Variants in ST14 observed in about 807,000 individuals in gnomAD.
ST14 encodes ST14 transmembrane serine protease matriptase, also known as suppressor of tumorigenicity 14 protein.
A neutral mutation model predicts 96.5 loss-of-function variants in ST14; 40 were observed. That is an observed-to-expected ratio of 0.41 (90% CI 0.32 to 0.54). The LOEUF is 0.54. Among genes scored for constraint, ST14 ranks in the 20% least tolerant of loss-of-function variants. The pLI, the probability that ST14 is intolerant of heterozygous loss-of-function variation, is 0.17. For missense variants in ST14, 1,066 were observed against 1,188.9 expected (o/e 0.90, Z 1.52); for synonymous variants, 506 against 492.1 (o/e 1.03, Z -0.37).
At chr11:130,206,715 C>T (rs138911365) in intron 16 of ST14, among the ~76,000 whole-genome samples, 8 of 151,922 alleles carry the variant, frequency 5.3e-5, no homozygotes, top group East Asian at 1.9e-4. Context: ...TTACAGGCAC[C>T]GGCCACCACA....
chr11:130,176,394 C>A lies in ST14; in HGVS notation c.82-11720C>A, dbSNP rs1283132698. Reference sequence around the variant, plus strand: ...CCTTTTTTTTTTTTCTTTTTCTTTTCTTTTTCTTTTTTCAGACAGAGTCTC... The same window carrying A: ...CCTTTTTTTTTTTTCTTTTTCTTTTATTTTTCTTTTTTCAGACAGAGTCTC... On this transcript the variant is annotated intron_variant, in intron 1 of 18. Transcript: ENST00000278742. Among the ~76,000 whole-genome samples, 4 of 145,392 alleles carry A rather than the reference C, an allele frequency of 2.8e-5. No homozygotes were observed. The South Asian group carries it at 8.8e-4, about 32-fold the overall frequency.
intron 1 of ST14, among the ~76,000 whole-genome samples, chr11:130,169,011 A>G (rs1313732363): frequency 6.9e-6 from 1 of 145,338 alleles, no homozygotes; most frequent in Non-Finnish European, 1.5e-5. Context: ...AACTTGAAAG[A>G]CCTCCAGGGA....
intron 1 of ST14, among the ~76,000 whole-genome samples, chr11:130,178,507 G>A (rs575017132): frequency 1.4e-5 from 2 of 138,612 alleles, no homozygotes; most frequent in South Asian, 4.2e-4. Context: ...GAGTTGGGAC[G>A]GGACTTGAAA....
intron 12 of ST14, 51 bp from the exon 13 acceptor site, chr11:130,198,257 A>G: frequency 6.5e-7 from 1 of 1,526,796 alleles, no homozygotes; most frequent in African/African-American, 1.4e-5. Context: ...ATCCTGGGGA[A>G]GCAGTGAGTG....
chr11:130,183,940 T>C, intron 1 of ST14, among the ~76,000 whole-genome samples: 1 of 152,178 alleles, frequency 6.6e-6, no homozygotes, highest in East Asian at 1.9e-4. Context: ...ATGGGATAAA[T>C]GCAGCAACAA....
chr11:130,205,545 C>A (rs1359186072), intron 16 of ST14, among the ~76,000 whole-genome samples: 1 of 152,178 alleles, frequency 6.6e-6, no homozygotes, highest in Non-Finnish European at 1.5e-5. Flanking sequence ...CTGGGGGCAG[C>A]CATTGTGAGG....
intron 16 of ST14, among the ~76,000 whole-genome samples, chr11:130,206,569 T>TTTC (rs71941809): frequency 0.051 from 7,594 of 147,684 alleles, 273 homozygotes; most frequent in Non-Finnish European, 0.079. Context: ...TTTCTTTTCT[T>TTTC]TTTTTTTTTC....
chr11:130,174,745 T>C (rs1953120816), intron 1 of ST14, among the ~76,000 whole-genome samples: 2 of 152,164 alleles, frequency 1.3e-5, no homozygotes, highest in African/African-American at 4.8e-5. Flanking sequence ...AGCAGGACTT[T>C]GGCAGTTCAC....
intron 1 of ST14, among the ~76,000 whole-genome samples, chr11:130,179,261 C>G (rs1251709409): frequency 6.6e-6 from 1 of 152,236 alleles, no homozygotes; most frequent in East Asian, 1.9e-4. Context: ...GGAACAAACA[C>G]TGCATTTGTT....
At chr11:130,205,109 GA>G (rs1450308069) in intron 16 of ST14, among the ~76,000 whole-genome samples, 2 of 151,754 alleles carry the variant, frequency 1.3e-5, no homozygotes. Flanking sequence ...TACAATGAAT[GA>G]AAAAAAGGAC....
chr11:130,160,108 C>G (rs1212782289), intron 1 of ST14, 48 bp downstream of exon 1: 4 of 1,306,870 alleles, frequency 3.1e-6, no homozygotes, highest in Non-Finnish European at 4.0e-6. Context: ...CCTGCCCGCC[C>G]GACCCTGCAG....
intron 1 of ST14, among the ~76,000 whole-genome samples, chr11:130,175,049 G>C (rs774568562): frequency 2.6e-5 from 4 of 152,204 alleles, no homozygotes; most frequent in African/African-American, 7.2e-5. Flanking sequence ...GAGAACTGCA[G>C]GTTAGGTGGT....
rs561425722 is a variant in ST14 at position 130,196,564 on chromosome 11, CT to C, written c.1224-5del. Reference sequence around the variant, plus strand: ...CTCCTCACCTTGTGCCCCGCCCCCCCTCCAGATACTGCGGAGAGAGGTCCCA... The same window carrying C: ...CTCCTCACCTTGTGCCCCGCCCCCCCCCAGATACTGCGGAGAGAGGTCCCA... On this transcript the variant is annotated splice_region_variant and splice_polypyrimidine_tract_variant and intron_variant, in intron 10 of 18. Coordinates refer to ENST00000278742, the MANE Select transcript of ST14 (RefSeq NM_021978.4). 2.7e-5 allele frequency: 44 copies of C among 1,610,840 alleles called. No homozygotes were observed. The Admixed American group carries it at 5.8e-4, about 21-fold the overall frequency.
In ST14 at chr11:130,208,771, C is replaced by T. The variant is rs561538070; in HGVS notation, c.2269+87C>T. 5 of 1,468,834 alleles carry T rather than the reference C, an allele frequency of 3.4e-6. No individual in the cohort carries two copies. The East Asian group carries it at 7.4e-5, about 22-fold the overall frequency. 91.0% of individuals were successfully genotyped at this position (1,468,834 alleles called of 1,614,324 possible). Reference sequence around the variant, plus strand: ...TTCCTCTGCGTGTCCGGTCTCGGGGCGGGGGGCTGCTCCAGTCTCCCTCTG... The same window carrying T: ...TTCCTCTGCGTGTCCGGTCTCGGGGTGGGGGGCTGCTCCAGTCTCCCTCTG... On this transcript the variant is annotated intron_variant, in intron 17 of 18. Coordinates refer to ENST00000278742, the MANE Select transcript of ST14 (RefSeq NM_021978.4).
In ST14 at chr11:130,188,890, G is replaced by A; in HGVS notation, c.391G>A (p.Val131Ile). 1.2e-6 allele frequency: 2 copies of A among 1,613,092 alleles called. No homozygotes were observed. Among genetic ancestry groups the A allele is most frequent in the South Asian group, 1.1e-5 (1 of 90,734 alleles). Residue 131 changes from valine to isoleucine, a missense_variant, in exon 4 of 19, where the codon GTC (valine) becomes ATC (isoleucine). Val to Ile is a conservative substitution (Grantham distance 29). Transcript: ENST00000278742. The surrounding 1 kb of genome is among the most constrained non-coding windows in gnomAD (Gnocchi z 5.4). ...TCAGCTGAAGCTGCTGTACAGCGGA[G>A]TCCCATTCCTGGGCCCCTACCACAA... Reference protein sequence around the residue: ...KDALKLLYSGVPFLGPYHKES... With the variant: ...KDALKLLYSGIPFLGPYHKES...
At chr11:130,209,636 T>C in intron 18 of ST14, 26 bp from the exon 19 acceptor site, 1 of 1,584,180 alleles carries the variant, frequency 6.3e-7, no homozygotes, top group Non-Finnish European at 8.6e-7. Flanking sequence ...GACTGGGGAC[T>C]CACGGCAGGG....
rs369557709 is a variant in ST14 at position 130,189,853 on chromosome 11, G to A, written c.555G>A (p.Ala185=). The change falls in exon 5 of 19, where the codon GCG becomes GCA. Residue 185 remains alanine (A), a synonymous_variant. Coordinates refer to ENST00000278742, the MANE Select transcript of ST14 (RefSeq NM_021978.4). ...EERVVMLPPR[A]RSLKSFVVTS... is the part of the protein sequence containing the mutation. ...GCGTAGTCATGCTGCCCCCGCGGGC[G>A]CGCTCCCTGAAGTCCTTTGTGGTCA... 100 of 1,613,882 alleles carry A rather than the reference G, an allele frequency of 6.2e-5. 1 individual carries two copies. In the African/African-American group the frequency reaches 8.9e-4, roughly 14 times the overall value.
At chr11:130,196,076 C>T (rs928314749) in intron 9 of ST14, among the ~76,000 whole-genome samples, 31 of 152,188 alleles carry the variant, frequency 2.0e-4, no homozygotes, top group Non-Finnish European at 3.1e-4. Flanking sequence ...AGAAGAATGG[C>T]GTGAACCCGG....
rs1053656839 is a variant in ST14 at position 130,194,341 on chromosome 11, A to C, written c.1015+53A>C. On this transcript the variant is annotated intron_variant, in intron 8 of 18. Transcript: ENST00000278742. ...TGCCCTCGGGCCACAGAGAAGGGGA[A>C]GGCCTTAGTGGGGGTGACCTGAGCT... is the stretch of plus-strand genomic sequence containing the variant. 3 of 1,610,348 alleles carry C rather than the reference A, an allele frequency of 1.9e-6. No individual in the cohort carries two copies. In the South Asian group the frequency reaches 3.3e-5, roughly 18 times the overall value.
Sources: gnomAD v4.1 joint callset for allele counts (sites outside exome capture counted in the v4.1 genomes callset) on GRCh38, gnomAD v4.1.1 for gene constraint, Gnocchi (gnomAD v3.1) non-coding constraint, MANE v1.5 for transcripts, NCBI Gene and HGNC (gene_info 2026-07-23, HGNC 2026-07-21) for gene names.